LSM7: variants seen among roughly 807,000 people sequenced by gnomAD.
The protein encoded by LSM7 is LSM7 homolog, U6 small nuclear RNA and mRNA degradation associated, also known as U6 snRNA-associated Sm-like protein LSm7.
LSM7 carries 13 observed loss-of-function variants against 14.1 expected under a neutral mutation model. The ratio of observed to expected loss-of-function variants is 0.92; its 90% confidence interval spans 0.60 to 1.47. LSM7 has a LOEUF of 1.47. Among genes scored for constraint, LSM7 ranks in the 40% most tolerant of loss-of-function variants. The pLI, the probability that LSM7 is intolerant of heterozygous loss-of-function variation, is 0.00. For missense variants in LSM7, 108 were observed against 140.8 expected (o/e 0.77, Z 1.18); for synonymous variants, 70 against 57.1 (o/e 1.23, Z -1.02).
At chr19:2,325,222 T>A (rs1967996219) in intron 2 of LSM7, among the ~76,000 whole-genome samples, 1 of 152,136 alleles carries the variant, frequency 6.6e-6, no homozygotes, top group Admixed American at 6.5e-5. Flanking sequence ...CATCTGATCC[T>A]GCTCCGCAGT....
At position 2,321,718 on chromosome 19, in the gene LSM7, C is replaced by T; in HGVS notation, c.274G>A (p.Ala92Thr). 6.4e-7 allele frequency: 1 copy of T among 1,567,774 alleles called. No individual in the cohort carries two copies. Among genetic ancestry groups the T allele is most frequent in the Middle Eastern group, 1.7e-4 (1 of 5,912 alleles). Reference sequence around the variant, plus strand: ...TGCTGGATGAAGGGGTTGGGGATGGCCTCCATGCCGTCCTGCGGGCAGATT... The same window carrying T: ...TGCTGGATGAAGGGGTTGGGGATGGTCTCCATGCCGTCCTGCGGGCAGATT... ...VLICPQDGMEAIPNPFIQQQD... is the reference protein window; with the variant it reads ...VLICPQDGMETIPNPFIQQQD... The change falls in exon 4 of 4, where the codon GCC becomes ACC. Residue 92 changes from alanine (A) to threonine (T), a missense_variant. Coordinates refer to ENST00000252622, the MANE Select transcript of LSM7 (RefSeq NM_016199.3). This position sits in a 1 kb window ranked among gnomAD's most constrained non-coding sequence, Gnocchi z 5.0.
Position 2,324,117 on chromosome 19 carries a change from CCA to C in LSM7, c.169+6_169+7del. The C allele has an allele frequency of 6.4e-7, 1 of 1,561,324 alleles. No homozygotes were observed. The highest frequency in any genetic ancestry group is 8.7e-7 in the Non-Finnish European group (1 of 1,153,546). On this transcript the variant is annotated splice_donor_region_variant and intron_variant, in intron 3 of 3. Transcript: ENST00000252622. The stretch of plus-strand genomic sequence containing the variant: ...CCCGCTGCCTGCCTCGGCCGCCACC[CCA>C]CTCACCTCGCATGTACTCAATGGTG...
At chr19:2,325,643 G>C (rs1194558584) in intron 2 of LSM7, among the ~76,000 whole-genome samples, 1 of 113,038 alleles carries the variant, frequency 8.8e-6, no homozygotes, top group Non-Finnish European at 2.1e-5. Context: ...ACCGAGGGCC[G>C]CCCTGTGCGG....
chr19:2,323,188 G>A (rs1967960525), intron 3 of LSM7, among the ~76,000 whole-genome samples: 1 of 152,182 alleles, frequency 6.6e-6, no homozygotes, highest in Non-Finnish European at 1.5e-5. Flanking sequence ...CACTGGGGAG[G>A]GGAGCGAGCG....
Position 2,328,550 on chromosome 19 carries a change from C to T in LSM7, c.6+11G>A, listed in dbSNP as rs201697789. ...CACGCCCCCCGGCTCCAGATTCCGC[C>T]GCGCGCTCACCGCCATCTTGTCGCG... On this transcript the variant is annotated intron_variant, in intron 1 of 3. Transcript: ENST00000252622. The T allele has an allele frequency of 7.4e-5, 118 of 1,596,480 alleles. No homozygotes were observed. The African/African-American group carries it at 9.1e-4, about 12-fold the overall frequency.
At chr19:2,326,583 G>A (rs1455614993) in intron 2 of LSM7, among the ~76,000 whole-genome samples, 5 of 152,294 alleles carry the variant, frequency 3.3e-5, no homozygotes, top group African/African-American at 9.6e-5. Flanking sequence ...TGATCTGCCC[G>A]CCTCAGCCTC....
intron 3 of LSM7, among the ~76,000 whole-genome samples, chr19:2,322,988 G>C (rs1005934874): frequency 3.3e-5 from 5 of 152,104 alleles, no homozygotes; most frequent in Admixed American, 1.3e-4. Flanking sequence ...AAAGTGCTGG[G>C]ATTACAGGCA....
intron 3 of LSM7, among the ~76,000 whole-genome samples, chr19:2,323,355 C>T (rs1967962886): frequency 6.6e-6 from 1 of 152,218 alleles, no homozygotes; most frequent in Non-Finnish European, 1.5e-5. Flanking sequence ...GGCGCCACAG[C>T]TCACGCCTGG....
chr19:2,321,666 C>G lies in LSM7; in HGVS notation c.*14G>C. The G allele has an allele frequency of 6.7e-7, 1 of 1,489,626 alleles. No individual in the cohort carries two copies. Among genetic ancestry groups the G allele is most frequent in the East Asian group, 2.6e-5 (1 of 38,362 alleles). 92.3% of individuals were successfully genotyped at this position (1,489,626 alleles called of 1,614,324 possible). On this transcript the variant is annotated 3_prime_UTR_variant, in exon 4 of 4. Coordinates refer to ENST00000252622, the MANE Select transcript of LSM7 (RefSeq NM_016199.3). This position sits in a 1 kb window ranked among gnomAD's most constrained non-coding sequence, Gnocchi z 5.0. ...GCTCGGGCCTGCCCTGCACCCCCCG[C>G]GCCCCCGGCCAGGCTAGGCGTCCTG...
At chr19:2,326,551 G>T (rs1599180549) in intron 2 of LSM7, among the ~76,000 whole-genome samples, 1 of 152,314 alleles carries the variant, frequency 6.6e-6, no homozygotes, top group East Asian at 1.9e-4. Context: ...GGCCAGGCTG[G>T]TCTCAAACTC....
At chr19:2,326,310 TTTTGTGTGTG>T (rs1256972901) in intron 2 of LSM7, among the ~76,000 whole-genome samples, 29 of 99,782 alleles carry the variant, frequency 2.9e-4, no homozygotes, top group East Asian at 3.8e-4. Context: ...CCTTTCTGCT[TTTTGTGTGTG>T]TGTGTGTGTG....
Position 2,321,609 on chromosome 19 carries a change from G to A in LSM7, c.*71C>T. 1 of 1,321,502 alleles carries A rather than the reference G, an allele frequency of 7.6e-7. No homozygotes were observed. Among genetic ancestry groups the A allele is most frequent in the Non-Finnish European group, 9.7e-7 (1 of 1,030,172 alleles). The allele number at this position is 1,321,502 out of a possible 1,614,324, so 81.9% of individuals were successfully genotyped here. Reference sequence around the variant, plus strand: ...GTTCCAGGAGGCGGTACTGCGGTGGGAGCAGCAGCCAAGTCCGCGGGAAAC... The same window carrying A: ...GTTCCAGGAGGCGGTACTGCGGTGGAAGCAGCAGCCAAGTCCGCGGGAAAC... On this transcript the variant is annotated 3_prime_UTR_variant, in exon 4 of 4. Coordinates refer to ENST00000252622, the MANE Select transcript of LSM7 (RefSeq NM_016199.3). The surrounding 1 kb of genome is among the most constrained non-coding windows in gnomAD (Gnocchi z 5.0).
At chr19:2,327,808 G>T (rs1284073000) in intron 2 of LSM7, among the ~76,000 whole-genome samples, 3 of 152,178 alleles carry the variant, frequency 2.0e-5, no homozygotes, top group African/African-American at 7.2e-5. Flanking sequence ...AAAGATCCAA[G>T]AGGCTATTGA....
At chr19:2,322,356 G>A (rs1323951235) in intron 3 of LSM7, among the ~76,000 whole-genome samples, 1 of 152,080 alleles carries the variant, frequency 6.6e-6, no homozygotes, top group Non-Finnish European at 1.5e-5. Flanking sequence ...TGGCTAACTT[G>A]GTGAAACCCC....
chr19:2,328,552 C>T lies in LSM7; in HGVS notation c.6+9G>A, dbSNP rs144843773. The T allele has an allele frequency of 1.3e-6, 2 of 1,594,644 alleles. No homozygotes were observed. Among genetic ancestry groups the T allele is most frequent in the East Asian group, 2.3e-5 (1 of 44,038 alleles). Reference sequence around the variant, plus strand: ...CGCCCCCCGGCTCCAGATTCCGCCGCGCGCTCACCGCCATCTTGTCGCGCC... The same window carrying T: ...CGCCCCCCGGCTCCAGATTCCGCCGTGCGCTCACCGCCATCTTGTCGCGCC... On this transcript the variant is annotated intron_variant, in intron 1 of 3. Transcript: ENST00000252622.
intron 3 of LSM7, among the ~76,000 whole-genome samples, chr19:2,323,172 C>T (rs747540917): frequency 5.3e-5 from 8 of 152,126 alleles, no homozygotes; most frequent in Non-Finnish European, 8.8e-5. Flanking sequence ...GAGGACTTGG[C>T]GGCCTCACTG....
Position 2,321,660 on chromosome 19 carries a change from C to A in LSM7, c.*20G>T. 1 of 1,476,198 alleles carries A rather than the reference C, an allele frequency of 6.8e-7. No individual in the cohort carries two copies. Among genetic ancestry groups the A allele is most frequent in the Non-Finnish European group, 9.0e-7 (1 of 1,111,602 alleles). The allele number at this position is 1,476,198 out of a possible 1,614,324, so 91.4% of individuals were successfully genotyped here. On this transcript the variant is annotated 3_prime_UTR_variant, in exon 4 of 4. Coordinates refer to ENST00000252622, the MANE Select transcript of LSM7 (RefSeq NM_016199.3). The surrounding 1 kb of genome is among the most constrained non-coding windows in gnomAD (Gnocchi z 5.0). ...CGAGCTGCTCGGGCCTGCCCTGCAC[C>A]CCCCGCGCCCCCGGCCAGGCTAGGC...
At chr19:2,324,245 C>G in intron 2 of LSM7, 49 bp from the exon 3 acceptor site, 1 of 1,457,554 alleles carries the variant, frequency 6.9e-7, no homozygotes, top group African/African-American at 1.4e-5. Context: ...GAGATCCGTC[C>G]TGGGCGCAGG....
At position 2,321,867 on chromosome 19, in the gene LSM7, C is replaced by T. The variant is rs774954010; in HGVS notation, c.170-45G>A. 1.0e-5 allele frequency: 14 copies of T among 1,364,660 alleles called. No homozygotes were observed. The highest frequency in any genetic ancestry group is 1.8e-5 in the South Asian group (1 of 57,000). 84.5% of individuals were successfully genotyped at this position (1,364,660 alleles called of 1,614,324 possible). Reference sequence around the variant, plus strand: ...GAGGACTGAGGGACCTCCAGGAAGCCTCCGAGACCCCCCACCCACCCAAGA... The same window carrying T: ...GAGGACTGAGGGACCTCCAGGAAGCTTCCGAGACCCCCCACCCACCCAAGA... On this transcript the variant is annotated intron_variant, in intron 3 of 3. Coordinates refer to ENST00000252622, the MANE Select transcript of LSM7 (RefSeq NM_016199.3). This position sits in a 1 kb window ranked among gnomAD's most constrained non-coding sequence, Gnocchi z 5.0.
Sources: gnomAD v4.1 joint callset for allele counts (sites outside exome capture counted in the v4.1 genomes callset) on GRCh38, gnomAD v4.1.1 for gene constraint, Gnocchi (gnomAD v3.1) non-coding constraint, MANE v1.5 for transcripts, NCBI Gene and HGNC (gene_info 2026-07-23, HGNC 2026-07-21) for gene names.